The following CGAS variants were observed in gnomAD, a reference collection of about 807,000 sequenced individuals.
The protein encoded by CGAS is 2'3'-cGAMP synthase.
CGAS carries 31 observed loss-of-function variants against 34.0 expected under a neutral mutation model. The ratio of observed to expected loss-of-function variants is 0.91; its 90% CI spans 0.69 to 1.23. The LOEUF is 1.23. CGAS is among the 50% of genes most tolerant of loss of function. The pLI is 0.00. For missense variants in CGAS, 597 were observed against 657.6 expected (o/e 0.91, Z 1.01); for synonymous variants, 266 against 260.0 (o/e 1.02, Z -0.22).
intron 3 of CGAS, among the ~76,000 whole-genome samples, chr6:73,436,814 A>G (rs919150839): frequency 6.6e-6 from 1 of 152,080 alleles, no homozygotes; most frequent in Non-Finnish European, 1.5e-5. Flanking sequence ...GAGCCATTAC[A>G]TGAATGAGAG....
intron 3 of CGAS, among the ~76,000 whole-genome samples, chr6:73,435,959 G>GT (rs1437231710): frequency 3.3e-5 from 5 of 151,866 alleles, no homozygotes; most frequent in Non-Finnish European, 5.9e-5. Context: ...TTTTTTTGCA[G>GT]TTTTTTGTCC....
chr6:73,441,025 G>C (rs1770369687), intron 2 of CGAS, among the ~76,000 whole-genome samples: 1 of 151,912 alleles, frequency 6.6e-6, no homozygotes, highest in Non-Finnish European at 1.5e-5. Flanking sequence ...TGAGGTTTAA[G>C]AGTGCTGTGA....
rs377516447 is a variant in CGAS, at chr6:73,451,894, G to A, written c.288C>T (p.Ala96=). The A allele has an allele frequency of 2.0e-6, 3 of 1,530,390 alleles. No homozygotes were observed. Among genetic ancestry groups the A allele is most frequent in the African/African-American group, 1.4e-5 (1 of 72,236 alleles). 94.8% of individuals were successfully genotyped at this position (1,530,390 alleles called of 1,614,324 possible). ...QRAQDTQPSD[A]TSAPGAEGLE... is the part of the protein sequence containing the mutation. ...GCCCCTCTGCCCCAGGGGCGCTGGT[G>A]GCGTCAGACGGCTGCGTGTCCTGGG... Residue 96 remains alanine, a synonymous_variant, in exon 1 of 5, where the codon GCC becomes GCT. Transcript: ENST00000370315.
rs144519687 is a variant in CGAS at position 73,449,476 on chromosome 6, A to AACAC, written c.657+2045_657+2048dup. ...GGTGACAGAGTGAGACTCTGTCTCA[A>AACAC]ACACACACACACACACACACACACA... On this transcript the variant is annotated intron_variant, in intron 1 of 4. Coordinates refer to ENST00000370315, the MANE Select transcript of CGAS (RefSeq NM_138441.3). 5.2e-3 allele frequency among the ~76,000 whole-genome samples: 747 copies of AACAC among 142,866 alleles called. 1 individual carries two copies. Among genetic ancestry groups the AACAC allele is most frequent in the Middle Eastern group, 0.011 (3 of 280 alleles). The allele number at this position is 142,866 out of a possible 152,430, so 93.7% of individuals were successfully genotyped here.
intron 1 of CGAS, 60 bp from the exon 2 acceptor site, chr6:73,445,807 G>T: frequency 7.7e-7 from 1 of 1,305,188 alleles, no homozygotes; most frequent in Non-Finnish European, 1.1e-6. Context: ...CAAGTGACTG[G>T]AACTTTTTAA....
At chr6:73,427,698 G>A (rs1001684115) in intron 4 of CGAS, among the ~76,000 whole-genome samples, 15 of 152,132 alleles carry the variant, frequency 9.9e-5, no homozygotes, top group Admixed American at 5.2e-4. Context: ...GTGGGGTGCA[G>A]TGTCTCATCC....
chr6:73,429,772 G>C (rs987248514), intron 3 of CGAS, among the ~76,000 whole-genome samples: 1 of 151,970 alleles, frequency 6.6e-6, no homozygotes, highest in Non-Finnish European at 1.5e-5. Context: ...CTTGCAGTGA[G>C]CGGAGATCGC....
At chr6:73,449,433 C>T (rs973194434) in intron 1 of CGAS, among the ~76,000 whole-genome samples, 10 of 151,026 alleles carry the variant, frequency 6.6e-5, no homozygotes, top group Non-Finnish European at 1.5e-4. Context: ...CGAGATCGCG[C>T]CACTGCACTC....
At position 73,451,527 on chromosome 6, in the gene CGAS, T is replaced by A; in HGVS notation, c.655A>T (p.Lys219Ter). 1 of 1,553,930 alleles carries A rather than the reference T, an allele frequency of 6.4e-7. No homozygotes were observed. Among genetic ancestry groups the A allele is most frequent in the Non-Finnish European group, 8.7e-7 (1 of 1,147,522 alleles). ...CGGGAGGGCGCCAAGCAGCTCACCT[T>A]CACGTGCTCATAGTAGCTCCCGGTG... ...LNTGSYYEHV[K>*]ISAPNEFDVM... The change falls in exon 1 of 5, where the codon AAG becomes TAG. Residue 219 changes from lysine to a stop codon, truncating the protein, a stop_gained and splice_region_variant. Transcript: ENST00000370315. LOFTEE classifies it high-confidence loss of function.
chr6:73,430,112 G>C lies in CGAS; in HGVS notation c.1115-1301C>G, dbSNP rs1019625332. Among the ~76,000 whole-genome samples, 16 of 151,578 alleles carry C rather than the reference G, an allele frequency of 1.1e-4. No individual in the cohort carries two copies. In the Admixed American group the frequency reaches 1.1e-3, roughly 10 times the overall value. ...TAGATGGACACTTGATTCCATAAAAGGTAGATTTTAGAAAACTATAGCAAC... is the reference window on the plus strand; with the variant it reads ...TAGATGGACACTTGATTCCATAAAACGTAGATTTTAGAAAACTATAGCAAC... On this transcript the variant is annotated intron_variant, in intron 3 of 4. Coordinates refer to ENST00000370315, the MANE Select transcript of CGAS (RefSeq NM_138441.3).
chr6:73,452,196 G>C lies in CGAS; in HGVS notation c.-15C>G, dbSNP rs1770588387. On this transcript the variant is annotated 5_prime_UTR_variant, in exon 1 of 5. Transcript: ENST00000370315. ...CAAGGCTGCATGGCTGGCGCTTTCT[G>C]TTCCCCGAAAGAAGAATCCGTTTCA... 1 of 1,585,704 alleles carries C rather than the reference G, an allele frequency of 6.3e-7. No homozygotes were observed. The highest frequency in any genetic ancestry group is 1.1e-5 in the South Asian group (1 of 87,840).
At chr6:73,430,628 G>A (rs997130722) in intron 3 of CGAS, among the ~76,000 whole-genome samples, 23 of 151,362 alleles carry the variant, frequency 1.5e-4, no homozygotes, top group African/African-American at 2.9e-4. Flanking sequence ...ACAACAGAGC[G>A]AGGCTCCATC....
chr6:73,428,982 T>C (rs1770136427), intron 3 of CGAS, among the ~76,000 whole-genome samples, 171 bp from the exon 4 acceptor site: 1 of 151,432 alleles, frequency 6.6e-6, no homozygotes, highest in African/African-American at 2.4e-5. Flanking sequence ...AGGTCGGGAG[T>C]TCGAGACCAG....
At chr6:73,444,053 G>A (rs931312267) in intron 2 of CGAS, among the ~76,000 whole-genome samples, 1 of 152,066 alleles carries the variant, frequency 6.6e-6, no homozygotes, top group African/African-American at 2.4e-5. Context: ...GCAGTGGCAC[G>A]ATCTCGGCTC....
chr6:73,437,136 A>G (rs1448567235), intron 3 of CGAS, among the ~76,000 whole-genome samples: 1 of 152,138 alleles, frequency 6.6e-6, no homozygotes, highest in East Asian at 1.9e-4. Flanking sequence ...TGGGCAACAG[A>G]GCGAGACTCT....
At chr6:73,447,187 C>T (rs1770486709) in intron 1 of CGAS, among the ~76,000 whole-genome samples, 1 of 152,190 alleles carries the variant, frequency 6.6e-6, no homozygotes, top group African/African-American at 2.4e-5. Flanking sequence ...CAATTACTTC[C>T]TCTTCAAATT....
At chr6:73,439,894 C>CTAG in intron 3 of CGAS, 3 of 279,070 alleles carry the variant, frequency 1.1e-5, no homozygotes, top group Non-Finnish European at 2.0e-5. Flanking sequence ...ATTCACACAA[C>CTAG]TAGTAGAAGG....
Position 73,440,395 on chromosome 6 carries a change from G to A in CGAS, c.928C>T (p.Leu310Phe). ...ACAGATATTTTTTCACTAATAAGAA[G>A]TGTTACAGCAGGGCTCCCTCCTCTT... ...RKRGGSPAVT[L>F]LISEKISVDI... The change falls in exon 3 of 5, where the codon CTT becomes TTT. Residue 310 changes from leucine (L) to phenylalanine (F), a missense_variant. By Grantham distance (22) the Leu-to-Phe change is conservative (BLOSUM62 0). Transcript: ENST00000370315. The A allele has an allele frequency of 6.2e-7, 1 of 1,614,124 alleles. No individual in the cohort carries two copies. Among genetic ancestry groups the A allele is most frequent in the Non-Finnish European group, 8.5e-7 (1 of 1,180,036 alleles).
Position 73,449,617 on chromosome 6 carries a change from A to G in CGAS, c.657+1908T>C, listed in dbSNP as rs187488608. On this transcript the variant is annotated intron_variant, in intron 1 of 4. Coordinates refer to ENST00000370315, the MANE Select transcript of CGAS (RefSeq NM_138441.3). ...CATATACAGTAATTGAACTGAATTG[A>G]TACTTACATAATAAGAATCATGCTC... Among the ~76,000 whole-genome samples the G allele has an allele frequency of 1.4e-3, 213 of 152,336 alleles. 1 individual carries two copies. Among genetic ancestry groups the G allele is most frequent in the African/African-American group, 4.8e-3 (201 of 41,576 alleles).
Sources: gnomAD v4.1 joint callset for allele counts (sites outside exome capture counted in the v4.1 genomes callset) on GRCh38, gnomAD v4.1.1 for gene constraint, MANE v1.5 for transcripts, NCBI Gene and HGNC (gene_info 2026-07-23, HGNC 2026-07-21) for gene names.